Variants in PHYHIP observed in about 807,000 individuals in gnomAD.
PHYHIP encodes the protein phytanoyl-CoA 2-hydroxylase interacting protein, also known as phytanoyl-CoA hydroxylase-interacting protein.
In PHYHIP, 7 loss-of-function variants were observed where a neutral mutation model predicts 26.1. The ratio of observed to expected loss-of-function variants is 0.27; its 90% confidence interval spans 0.15 to 0.50. The LOEUF (loss-of-function observed/expected upper bound fraction) is 0.50. Among genes scored for constraint, PHYHIP ranks in the 20% least tolerant of loss-of-function variants. The probability of loss-of-function intolerance (pLI) is 0.98; values close to 1 mark genes in which losing one functional copy is unlikely to be tolerated. For missense variants in PHYHIP, 232 were observed against 454.7 expected (o/e 0.51, Z 4.45); for synonymous variants, 206 against 183.4 (o/e 1.12, Z -1.00).
chr8:22,227,955 A>G (rs1338171899), intron 2 of PHYHIP, among the ~76,000 whole-genome samples: 2 of 152,234 alleles, frequency 1.3e-5, no homozygotes, highest in Non-Finnish European at 1.5e-5. Context: ...GCACCACGCA[A>G]ACATGACTCA....
Position 22,220,006 on chromosome 8 carries a change from G to A in PHYHIP, c.*1347C>T, listed in dbSNP as rs1829581868. ...TCCACCTGTCCCTCACCGAGGTATG[G>A]CCTTGCCGGCCCGCTGCTGCTTCCG... is the stretch of plus-strand genomic sequence containing the variant. On this transcript the variant is annotated 3_prime_UTR_variant, in exon 5 of 5. Coordinates refer to ENST00000454243, the MANE Select transcript of PHYHIP (RefSeq NM_014759.5). 1 of 152,454 alleles carries A rather than the reference G, an allele frequency of 6.6e-6. No homozygotes were observed. The highest frequency in any genetic ancestry group is 2.4e-5 in the African/African-American group (1 of 41,476). The allele number at this position is 152,454 out of a possible 1,614,324, so 9.4% of individuals were successfully genotyped here.
chr8:22,229,307 A>T (rs1224644663), intron 1 of PHYHIP, among the ~76,000 whole-genome samples: 1 of 152,186 alleles, frequency 6.6e-6, no homozygotes, highest in Non-Finnish European at 1.5e-5. Context: ...GTGGAGGGGC[A>T]CATGTGTGGC....
chr8:22,225,973 T>C (rs1333181457), intron 3 of PHYHIP, among the ~76,000 whole-genome samples: 3 of 152,044 alleles, frequency 2.0e-5, no homozygotes, highest in Non-Finnish European at 4.4e-5. Flanking sequence ...GACAGAGAGA[T>C]CTGGAGCAGC....
At chr8:22,222,692 C>G (rs1829654652) in intron 4 of PHYHIP, among the ~76,000 whole-genome samples, 1 of 152,198 alleles carries the variant, frequency 6.6e-6, no homozygotes, top group South Asian at 2.1e-4. Flanking sequence ...ATCCTGGCAC[C>G]AAGTAAGGTG....
chr8:22,219,791 G>A lies in PHYHIP; in HGVS notation c.*1562C>T, dbSNP rs1367138384. On this transcript the variant is annotated 3_prime_UTR_variant, in exon 5 of 5. Coordinates refer to ENST00000454243, the MANE Select transcript of PHYHIP (RefSeq NM_014759.5). ...ACAGGCAGGCGGACCCCAGCCCCGG[G>A]GGGACATGAGGGCCAGGGGAGGGCA... 1 of 153,436 alleles carries A rather than the reference G, an allele frequency of 6.5e-6. No individual in the cohort carries two copies. Among genetic ancestry groups the A allele is most frequent in the African/African-American group, 2.4e-5 (1 of 41,482 alleles). The allele number at this position is 153,436 out of a possible 1,614,324, so 9.5% of individuals were successfully genotyped here. A position where few individuals can be genotyped will look rare whatever the true frequency, so the allele number is the denominator to read the frequency against.
chr8:22,223,907 C>T (rs1402445259), intron 4 of PHYHIP: 2 of 246,198 alleles, frequency 8.1e-6, no homozygotes, highest in Non-Finnish European at 1.6e-5. Context: ...GGGCCTGAAT[C>T]GGAGAGACCT....
intron 2 of PHYHIP, among the ~76,000 whole-genome samples, chr8:22,227,408 G>A (rs1346358052): frequency 1.3e-5 from 2 of 152,238 alleles, no homozygotes; most frequent in Admixed American, 6.5e-5. Context: ...TTCTTTGGGG[G>A]GGAGGGTTAA....
intron 1 of PHYHIP, among the ~76,000 whole-genome samples, chr8:22,230,688 C>T (rs1482302473): frequency 5.3e-5 from 8 of 152,154 alleles, no homozygotes; most frequent in African/African-American, 4.8e-5. Flanking sequence ...CACCCACCCG[C>T]GTCCCACACC....
intron 4 of PHYHIP, among the ~76,000 whole-genome samples, chr8:22,223,541 G>A (rs576059882): frequency 1.3e-5 from 2 of 152,120 alleles, no homozygotes; most frequent in South Asian, 2.1e-4. Context: ...ATGAACAAGT[G>A]CTTCCCTCTG....
rs1399836593 is a variant in PHYHIP, at chr8:22,221,629, C to T, written c.717G>A (p.Leu239=). 1.2e-6 allele frequency: 2 copies of T among 1,613,480 alleles called. No individual in the cohort carries two copies. The highest frequency in any genetic ancestry group is 8.5e-7 in the Non-Finnish European group (1 of 1,179,806). The change falls in exon 5 of 5, where the codon CTG becomes CTA. Residue 239 remains leucine (L), a synonymous_variant. Transcript: ENST00000454243. The surrounding 1 kb of genome is among the most constrained non-coding windows in gnomAD (Gnocchi z 7.9). Reference sequence around the variant, plus strand: ...GGTCCCCCAGGGAGCCTTTGGGCGCCAGCACCAGGATGGCGTAGTGGTAGG... The same window carrying T: ...GGTCCCCCAGGGAGCCTTTGGGCGCTAGCACCAGGATGGCGTAGTGGTAGG... ...YTAYHYAILV[L]APKGSLGDRF...
At chr8:22,227,084 G>A in intron 2 of PHYHIP, 59 bp from the exon 3 acceptor site, 1 of 1,474,432 alleles carries the variant, frequency 6.8e-7, no homozygotes, top group African/African-American at 1.4e-5. Context: ...TGCCCAATCT[G>A]GGCATCACCC....
Position 22,221,662 on chromosome 8 carries a change from C to G in PHYHIP, c.684G>C (p.Met228Ile), listed in dbSNP as rs2131918901. Residue 228 changes from methionine to isoleucine, a missense_variant, in exon 5 of 5, where the codon ATG (methionine) becomes ATC (isoleucine). Transcript: ENST00000454243. This position sits in a 1 kb window ranked among gnomAD's most constrained non-coding sequence, Gnocchi z 7.9. The stretch of plus-strand genomic sequence containing the variant: ...GGATGGCGTAGTGGTAGGCCGTGTA[C>G]ATGCAGTAGAAGTCCGCAAAGTAGA... Reference protein sequence around the residue: ...TNLYFADFYCMYTAYHYAILV... With the variant: ...TNLYFADFYCIYTAYHYAILV... 1 of 1,613,018 alleles carries G rather than the reference C, an allele frequency of 6.2e-7. No individual in the cohort carries two copies.
At chr8:22,226,268 G>A (rs1829742881) in intron 3 of PHYHIP, among the ~76,000 whole-genome samples, 2 of 152,148 alleles carry the variant, frequency 1.3e-5, no homozygotes. Context: ...AAAAAGGAAG[G>A]AAATTTTGGT....
intron 3 of PHYHIP, among the ~76,000 whole-genome samples, chr8:22,226,089 G>A (rs1294558078): frequency 6.6e-6 from 1 of 152,186 alleles, no homozygotes; most frequent in Non-Finnish European, 1.5e-5. Flanking sequence ...GAGTCTACAA[G>A]TTAAGTTCTG....
chr8:22,221,486 A>G lies in PHYHIP; in HGVS notation c.860T>C (p.Ile287Thr). 1 of 1,614,102 alleles carries G rather than the reference A, an allele frequency of 6.2e-7. No homozygotes were observed. Among genetic ancestry groups the G allele is most frequent in the Non-Finnish European group, 8.5e-7 (1 of 1,179,994 alleles). ...GGACAGGTCGACGGGCTCAGTGTAG[A>G]TGATCTCCAGGATGAGGTCCTGGGC... is the stretch of plus-strand genomic sequence containing the variant. ...RHAQDLILEI[I>T]YTEPVDLSLG... Residue 287 changes from isoleucine (I) to threonine (T), a missense_variant, in exon 5 of 5, where the codon ATC (isoleucine) becomes ACC (threonine). Physicochemically the swap from Ile to Thr is moderately conservative, Grantham distance 89. Transcript: ENST00000454243. The surrounding 1 kb of genome is among the most constrained non-coding windows in gnomAD (Gnocchi z 7.9).
At chr8:22,227,754 C>T (rs914751308) in intron 2 of PHYHIP, 10 of 457,338 alleles carry the variant, frequency 2.2e-5, no homozygotes, top group African/African-American at 8.0e-5. Context: ...GGCTCCGCCC[C>T]GACCGAGGCC....
At chr8:22,229,356 G>A (rs573866030) in intron 1 of PHYHIP, among the ~76,000 whole-genome samples, 1 of 152,226 alleles carries the variant, frequency 6.6e-6, no homozygotes, top group South Asian at 2.1e-4. Flanking sequence ...TTTCCACCTG[G>A]CATTTTTCCT....
At position 22,227,020 on chromosome 8, in the gene PHYHIP, G is replaced by A; in HGVS notation, c.171C>T (p.Val57=). The A allele has an allele frequency of 6.2e-7, 1 of 1,610,278 alleles. No homozygotes were observed. The highest frequency in any genetic ancestry group is 1.3e-5 in the African/African-American group (1 of 74,988). The change falls in exon 3 of 5, where the codon GTC becomes GTT. Residue 57 remains valine (V), a synonymous_variant. Transcript: ENST00000454243. ...KNSNKFKHRD[V]PTKLVAKAVP... is the part of the protein sequence containing the mutation. Reference sequence around the variant, plus strand: ...CTGCCTTGGCCACGAGCTTGGTGGGGACGTCCTGAGAAACAGGGTACAAAC... The same window carrying A: ...CTGCCTTGGCCACGAGCTTGGTGGGAACGTCCTGAGAAACAGGGTACAAAC...
Position 22,221,205 on chromosome 8 carries a change from C to T in PHYHIP, c.*148G>A, listed in dbSNP as rs1829614502. The stretch of plus-strand genomic sequence containing the variant: ...TTACCAAGAGGACCACCGTCTGTTG[C>T]CTCCAATGCCAAGGGGCGAGGGGAG... On this transcript the variant is annotated 3_prime_UTR_variant, in exon 5 of 5. Transcript: ENST00000454243. This position sits in a 1 kb window ranked among gnomAD's most constrained non-coding sequence, Gnocchi z 7.9. The T allele has an allele frequency of 1.4e-6, 1 of 719,132 alleles. No homozygotes were observed. The highest frequency in any genetic ancestry group is 1.8e-5 in the African/African-American group (1 of 56,476). 44.5% of individuals were successfully genotyped at this position (719,132 alleles called of 1,614,324 possible). A position where few individuals can be genotyped will look rare whatever the true frequency, so the allele number is the denominator to read the frequency against.
Sources: gnomAD v4.1 joint callset for allele counts (sites outside exome capture counted in the v4.1 genomes callset) on GRCh38, gnomAD v4.1.1 for gene constraint, Gnocchi (gnomAD v3.1) non-coding constraint, MANE v1.5 for transcripts, NCBI Gene and HGNC (gene_info 2026-07-23, HGNC 2026-07-21) for gene names.